Variants in RUFY3 observed in about 807,000 individuals in gnomAD.
RUFY3 encodes protein RUFY3.
Under a neutral mutation model 84.0 loss-of-function variants are expected in RUFY3, and 34 were observed. The ratio of observed to expected loss-of-function variants is 0.40; its 90% confidence interval spans 0.31 to 0.54. RUFY3 has a LOEUF of 0.54. RUFY3 is among the 20% of genes least tolerant of loss of function. The pLI is 0.39. For synonymous variants in RUFY3, 242 were observed against 252.9 expected, an observed-to-expected ratio of 0.96 and a Z score of 0.41; for missense variants, 507 against 736.8, an observed-to-expected ratio of 0.69 and a Z score of 3.61.
intron 1 of RUFY3, among the ~76,000 whole-genome samples, chr4:70,741,284 T>C (rs1235187278): frequency 6.6e-6 from 1 of 152,194 alleles, no homozygotes; most frequent in Non-Finnish European, 1.5e-5. Flanking sequence ...TTGAGTTAGA[T>C]TAATGTCGCC....
chr4:70,768,718 G>C, intron 5 of RUFY3, 57 bp downstream of exon 5: 6 of 1,579,612 alleles, frequency 3.8e-6, no homozygotes, highest in Non-Finnish European at 5.2e-6. Context: ...TATCTCAGAA[G>C]TGGATTTGAT....
intron 4 of RUFY3, among the ~76,000 whole-genome samples, chr4:70,766,925 G>A (rs553598167): frequency 4.5e-4 from 69 of 151,998 alleles, no homozygotes; most frequent in African/African-American, 1.5e-3. Flanking sequence ...ACCACTGATC[G>A]TACTGTGATT....
intron 8 of RUFY3, 137 bp from the exon 9 acceptor site, chr4:70,782,954 C>A: frequency 3.5e-6 from 2 of 576,868 alleles, no homozygotes; most frequent in East Asian, 6.1e-5. Context: ...CTTATAAGAA[C>A]ATTTTTATTG....
chr4:70,764,206 A>C (rs894757570), intron 3 of RUFY3, among the ~76,000 whole-genome samples: 1 of 152,238 alleles, frequency 6.6e-6, no homozygotes, highest in Non-Finnish European at 1.5e-5. Flanking sequence ...TATTGATCTG[A>C]TGGAACATTT....
chr4:70,757,494 C>T (rs1017822418), intron 1 of RUFY3, among the ~76,000 whole-genome samples: 4 of 151,958 alleles, frequency 2.6e-5, no homozygotes, highest in African/African-American at 9.7e-5. Flanking sequence ...ATCCCAGATA[C>T]TTGGGAGGCT....
intron 1 of RUFY3, among the ~76,000 whole-genome samples, chr4:70,728,086 A>G (rs1267995016): frequency 2.0e-5 from 3 of 152,232 alleles, no homozygotes; most frequent in Non-Finnish European, 2.9e-5. Context: ...AGATGGGGTT[A>G]TGTCCTGAGA....
At chr4:70,757,130 G>A (rs574126931) in intron 1 of RUFY3, among the ~76,000 whole-genome samples, 3 of 151,708 alleles carry the variant, frequency 2.0e-5, no homozygotes, top group Admixed American at 6.6e-5. Flanking sequence ...AAAATTAGCC[G>A]GGCATGGTTG....
At chr4:70,755,469 G>A (rs528314746) in intron 1 of RUFY3, among the ~76,000 whole-genome samples, 4 of 152,218 alleles carry the variant, frequency 2.6e-5, no homozygotes, top group East Asian at 3.9e-4. Flanking sequence ...AGATAAAATG[G>A]CACCTTGGTG....
chr4:70,705,361 G>GGCCCC, intron 1 of RUFY3: 1 of 1,166,686 alleles, frequency 8.6e-7, no homozygotes, highest in Admixed American at 4.3e-5. Flanking sequence ...GGGCCGGCCC[G>GGCCCC]GCCCCCGCGG....
intron 6 of RUFY3, among the ~76,000 whole-genome samples, chr4:70,774,629 AAAAAAAAAAAAAAAAATAT>A (rs1300815711): frequency 3.8e-4 from 46 of 120,678 alleles, no homozygotes; most frequent in African/African-American, 1.7e-3. Context: ...AAAAAAAAAA[AAAAAAAAAAAAAAAAATAT>A]ATATATATAT....
chr4:70,771,360 A>G (rs1435796012), intron 5 of RUFY3, among the ~76,000 whole-genome samples: 1 of 152,102 alleles, frequency 6.6e-6, no homozygotes, highest in African/African-American at 2.4e-5. Context: ...CTCTTGAACA[A>G]CAGAGTAAGG....
chr4:70,778,571 TTC>T, intron 8 of RUFY3, 133 bp downstream of exon 8: 34 of 390,296 alleles, frequency 8.7e-5, no homozygotes, highest in South Asian at 2.4e-4. Flanking sequence ...TAACTTCTTA[TTC>T]TTTTTTTTTT....
intron 6 of RUFY3, among the ~76,000 whole-genome samples, chr4:70,774,636 A>ACATATATAT (rs1727543845): frequency 8.2e-6 from 1 of 121,358 alleles, no homozygotes; most frequent in African/African-American, 4.0e-5. Flanking sequence ...AAAAAAAAAA[A>ACATATATAT]AAAAAAAAAT....
Position 70,806,755 on chromosome 4 carries a change from C to A in RUFY3, c.*96C>A. The A allele has an allele frequency of 7.0e-7, 1 of 1,436,766 alleles. No homozygotes were observed. Among genetic ancestry groups the A allele is most frequent in the Non-Finnish European group, 9.5e-7 (1 of 1,052,414 alleles). The allele number at this position is 1,436,766 out of a possible 1,614,324, so 89.0% of individuals were successfully genotyped here. ...TCTCATAGAGCCCAGTTCTTAGAGT[C>A]AACTAAAGAGTTGATAGGAATTTAC... On this transcript the variant is annotated 3_prime_UTR_variant, in exon 18 of 18. Coordinates refer to ENST00000381006, the MANE Select transcript of RUFY3 (RefSeq NM_001037442.4).
At chr4:70,749,205 G>A (rs372550843) in intron 1 of RUFY3, among the ~76,000 whole-genome samples, 3 of 152,010 alleles carry the variant, frequency 2.0e-5, no homozygotes, top group Admixed American at 2.0e-4. Context: ...TCAAAACAAC[G>A]AAGGTTTGTC....
chr4:70,724,481 G>A (rs983024843), intron 1 of RUFY3, among the ~76,000 whole-genome samples: 3 of 152,166 alleles, frequency 2.0e-5, no homozygotes, highest in East Asian at 1.9e-4. Context: ...TCATGTAAGC[G>A]TTTTTAGCAG....
At chr4:70,729,057 A>T (rs1159716281) in intron 1 of RUFY3, among the ~76,000 whole-genome samples, 1 of 152,190 alleles carries the variant, frequency 6.6e-6, no homozygotes, top group Admixed American at 6.5e-5. Context: ...TATATTTGAG[A>T]ACAGTAAAGG....
intron 1 of RUFY3, among the ~76,000 whole-genome samples, chr4:70,751,389 G>A (rs1355393478): frequency 6.6e-6 from 1 of 152,160 alleles, no homozygotes; most frequent in Non-Finnish European, 1.5e-5. Context: ...CTACAAGCAA[G>A]GCACAAAAGT....
In RUFY3 at chr4:70,808,550, C is replaced by T. The variant is rs1733043779; in HGVS notation, c.*1891C>T. On this transcript the variant is annotated 3_prime_UTR_variant, in exon 18 of 18. Transcript: ENST00000381006. ...GGGAAAGAGTTGTTATTCCAAAAGTCAGCCTGTTACTTGGTGAAGCTGAAG... is the reference window on the plus strand; with the variant it reads ...GGGAAAGAGTTGTTATTCCAAAAGTTAGCCTGTTACTTGGTGAAGCTGAAG... Among the ~76,000 whole-genome samples the T allele has an allele frequency of 6.6e-6, 1 of 152,144 alleles. No homozygotes were observed. Among genetic ancestry groups the T allele is most frequent in the South Asian group, 2.1e-4 (1 of 4,828 alleles).
Sources: gnomAD v4.1 joint callset for allele counts (sites outside exome capture counted in the v4.1 genomes callset) on GRCh38, gnomAD v4.1.1 for gene constraint, MANE v1.5 for transcripts, NCBI Gene and HGNC (gene_info 2026-07-23, HGNC 2026-07-21) for gene names.